Variants in CACNA2D1 observed in about 807,000 individuals in gnomAD.
CACNA2D1 encodes voltage-dependent calcium channel subunit alpha-2/delta-1.
Under a neutral mutation model 171.5 loss-of-function variants are expected in CACNA2D1, and 53 were observed. The ratio of observed to expected loss-of-function variants is 0.31; its 90% confidence interval spans 0.25 to 0.39. CACNA2D1 has a LOEUF of 0.39. CACNA2D1 is among the 10% of genes least tolerant of loss of function. The pLI, the probability that CACNA2D1 is intolerant of heterozygous loss-of-function variation, is 1.00. For missense variants in CACNA2D1, 903 were observed against 1,299.8 expected (o/e 0.69, Z 4.69); for synonymous variants, 442 against 443.1 (o/e 1.00, Z 0.03).
intron 3 of CACNA2D1, among the ~76,000 whole-genome samples, chr7:82,325,473 TA>T (rs1816535201): frequency 6.8e-6 from 1 of 147,252 alleles, no homozygotes; most frequent in African/African-American, 2.4e-5. Context: ...ATGGCTTTTT[TA>T]GTTATAATAA....
intron 3 of CACNA2D1, among the ~76,000 whole-genome samples, chr7:82,186,691 C>T (rs954307343): frequency 1.3e-5 from 2 of 151,930 alleles, no homozygotes; most frequent in Non-Finnish European, 2.9e-5. Context: ...ATAGATGGAA[C>T]ACGTTAGGAC....
In CACNA2D1 at chr7:82,335,212, T is replaced by G. The variant is rs1186967929; in HGVS notation, c.217A>C (p.Asn73His). The G allele has an allele frequency of 1.2e-6, 2 of 1,612,738 alleles. No individual in the cohort carries two copies. The highest frequency in any genetic ancestry group is 2.7e-5 in the African/African-American group (2 of 74,864). The change falls in exon 3 of 39, where the codon AAT (asparagine) becomes CAT (histidine). Residue 73 changes from asparagine (N) to histidine (H), a missense_variant. Asn to His is a moderately conservative substitution (Grantham distance 68). Coordinates refer to ENST00000356860, the MANE Select transcript of CACNA2D1 (RefSeq NM_000722.4). ...ATTTCTACCAGCTGGCGTGCATTAT[T>G]TGGTTCCACAGTATACAAATCTTGA... The part of the protein sequence containing the change: ...KYQDLYTVEP[N>H]NARQLVEIAA...
intron 3 of CACNA2D1, among the ~76,000 whole-genome samples, chr7:82,243,474 C>A (rs903105168): frequency 2.0e-5 from 3 of 152,156 alleles, no homozygotes; most frequent in African/African-American, 7.2e-5. Flanking sequence ...ACCCGAGTAA[C>A]TATCCAAATA....
chr7:82,040,468 AAAAC>A (rs1803815634), intron 10 of CACNA2D1, among the ~76,000 whole-genome samples: 1 of 147,020 alleles, frequency 6.8e-6, no homozygotes, highest in African/African-American at 2.5e-5. Flanking sequence ...AAAAAAAAAA[AAAAC>A]AGAAGGCTTC....
At chr7:82,068,155 C>T (rs924752061) in intron 7 of CACNA2D1, among the ~76,000 whole-genome samples, 1 of 152,194 alleles carries the variant, frequency 6.6e-6, no homozygotes, top group Non-Finnish European at 1.5e-5. Flanking sequence ...AGCTCAGCTC[C>T]TACAGTGTTG....
intron 11 of CACNA2D1, 46 bp from the exon 12 acceptor site, chr7:82,032,947 AT>A (rs1474921986): frequency 3.9e-6 from 4 of 1,035,970 alleles, no homozygotes; most frequent in Non-Finnish European, 6.1e-6. Context: ...ATTATTCACA[AT>A]AAAAGAGAAA....
chr7:81,952,122 A>G (rs1372314985), intron 38 of CACNA2D1, among the ~76,000 whole-genome samples: 4 of 151,298 alleles, frequency 2.6e-5, no homozygotes, highest in African/African-American at 7.3e-5. Context: ...GGCCATTTGT[A>G]TATCATTTTT....
At chr7:81,997,307 A>G in intron 18 of CACNA2D1, 57 bp from the exon 19 acceptor site, 4 of 1,114,504 alleles carry the variant, frequency 3.6e-6, no homozygotes, top group Non-Finnish European at 5.5e-6. Flanking sequence ...GATGCTGTGT[A>G]TAAAACAATT....
At chr7:81,959,690 T>A (rs763769737) in intron 37 of CACNA2D1, 30 bp downstream of exon 37, 1 of 1,602,130 alleles carries the variant, frequency 6.2e-7, no homozygotes, top group South Asian at 1.1e-5. Flanking sequence ...ATGGTTTTCC[T>A]TTCCAGATAG....
intron 3 of CACNA2D1, among the ~76,000 whole-genome samples, chr7:82,283,572 G>A (rs1277729336): frequency 6.6e-6 from 1 of 152,122 alleles, no homozygotes; most frequent in Admixed American, 6.5e-5. Flanking sequence ...AAAATGGAGA[G>A]CAAGTTCTAA....
intron 1 of CACNA2D1, among the ~76,000 whole-genome samples, chr7:82,436,833 A>C (rs1830150272): frequency 6.6e-6 from 1 of 152,136 alleles, no homozygotes; most frequent in Admixed American, 6.5e-5. Context: ...TGTAACTCTC[A>C]AAATATGGCA....
intron 38 of CACNA2D1, among the ~76,000 whole-genome samples, chr7:81,958,588 T>G (rs1793719773): frequency 6.6e-6 from 1 of 151,994 alleles, no homozygotes; most frequent in Admixed American, 6.6e-5. Flanking sequence ...CAATACACAG[T>G]AAATCAGAAT....
Position 82,012,254 on chromosome 7 carries a change from G to GAAAAAA in CACNA2D1, c.1273-17_1273-12dup, listed in dbSNP as rs4019047. ...AACATCCAAATATTCCTGTTTATGG[G>GAAAAAA]AAAAAAAAAAAAAGTCGTGGTTAAA... On this transcript the variant is annotated splice_polypyrimidine_tract_variant and intron_variant, in intron 14 of 38. Transcript: ENST00000356860. The GAAAAAA allele has an allele frequency of 4.1e-4, 501 of 1,223,498 alleles. No individual in the cohort carries two copies. Among genetic ancestry groups the GAAAAAA allele is most frequent in the South Asian group, 5.7e-4 (45 of 78,302 alleles). The allele number at this position is 1,223,498 out of a possible 1,614,324, so 75.8% of individuals were successfully genotyped here. A position where few individuals can be genotyped will look rare whatever the true frequency, so the allele number is the denominator to read the frequency against.
At chr7:82,119,747 C>T (rs1035307677) in intron 5 of CACNA2D1, among the ~76,000 whole-genome samples, 25 of 152,148 alleles carry the variant, frequency 1.6e-4, no homozygotes, top group African/African-American at 5.3e-4. Flanking sequence ...ACTATGGCTA[C>T]GTTTATGTCC....
chr7:82,185,152 G>C (rs993965796), intron 3 of CACNA2D1, among the ~76,000 whole-genome samples: 18 of 152,178 alleles, frequency 1.2e-4, no homozygotes, highest in Non-Finnish European at 2.2e-4. Flanking sequence ...ACATACAGTA[G>C]AGCATACCTA....
At chr7:82,064,714 T>C (rs1022881819) in intron 8 of CACNA2D1, among the ~76,000 whole-genome samples, 3 of 152,164 alleles carry the variant, frequency 2.0e-5, no homozygotes, top group African/African-American at 7.2e-5. Flanking sequence ...TAGACTATCA[T>C]ATTTTTAAAT....
chr7:82,193,708 C>T (rs964304503), intron 3 of CACNA2D1, among the ~76,000 whole-genome samples: 8 of 151,836 alleles, frequency 5.3e-5, no homozygotes, highest in Admixed American at 3.3e-4. Context: ...CCCCAACAAG[C>T]GAAATTCAGT....
At chr7:82,028,640 A>T (rs1380864477) in intron 12 of CACNA2D1, 1 of 151,836 alleles carries the variant, frequency 6.6e-6, no homozygotes, top group Non-Finnish European at 1.5e-5. Context: ...AAAGACAAAA[A>T]TATCGACATT....
chr7:81,948,011 C>T lies in CACNA2D1; in HGVS notation c.*2381G>A, dbSNP rs182104359. 6 of 151,720 alleles carry T rather than the reference C, an allele frequency of 4.0e-5. No homozygotes were observed. The highest frequency in any genetic ancestry group is 9.7e-5 in the African/African-American group (4 of 41,428). 9.4% of individuals were successfully genotyped at this position (151,720 alleles called of 1,614,324 possible). Reference sequence around the variant, plus strand: ...CCTGCCAAGAGATGCCAAGTTTAACCGCGATTAATACAATAACAATGTAAT... The same window carrying T: ...CCTGCCAAGAGATGCCAAGTTTAACTGCGATTAATACAATAACAATGTAAT... On this transcript the variant is annotated 3_prime_UTR_variant, in exon 39 of 39. Coordinates refer to ENST00000356860, the MANE Select transcript of CACNA2D1 (RefSeq NM_000722.4).
Sources: allele counts gnomAD v4.1 joint callset (sites outside exome capture counted in the v4.1 genomes callset), GRCh38; gene constraint gnomAD v4.1.1; transcripts MANE v1.5; gene names NCBI Gene and HGNC (gene_info 2026-07-23, HGNC 2026-07-21).